The following RAB2A variants were observed in gnomAD, a reference collection of about 807,000 sequenced individuals.
The protein encoded by RAB2A is ras-related protein Rab-2A.
RAB2A carries 7 observed loss-of-function variants against 32.5 expected under a neutral mutation model. That is an observed-to-expected ratio of 0.22 (90% CI 0.12 to 0.40). The LOEUF is 0.40. RAB2A is among the 10% of genes least tolerant of loss of function. The probability of loss-of-function intolerance (pLI) is 1.00; values close to 1 mark genes in which losing one functional copy is unlikely to be tolerated. For missense variants in RAB2A, 108 were observed against 260.7 expected (o/e 0.41, Z 4.03); for synonymous variants, 79 against 85.2 (o/e 0.93, Z 0.40).
chr8:60,552,892 TAGGGACACACTCTTGCA>T (rs1307841181), intron 1 of RAB2A: 1 of 152,200 alleles, frequency 6.6e-6, no homozygotes, highest in African/African-American at 2.4e-5. Flanking sequence ...TGCTGTGTGC[TAGGGACACACTCTTGCA>T]AGTGATTTCT....
chr8:60,543,619 G>T (rs897719237), intron 1 of RAB2A, among the ~76,000 whole-genome samples: 16 of 152,156 alleles, frequency 1.1e-4, no homozygotes, highest in Admixed American at 2.0e-4. Flanking sequence ...CATATCTTTT[G>T]GGGGGCCATT....
chr8:60,569,527 T>A (rs1808164419), intron 2 of RAB2A, among the ~76,000 whole-genome samples: 3 of 152,184 alleles, frequency 2.0e-5, no homozygotes. Context: ...TTTTTGTTTT[T>A]TGAGACAAGG....
At chr8:60,592,118 A>G in intron 6 of RAB2A, 149 bp downstream of exon 6, 1 of 469,348 alleles carries the variant, frequency 2.1e-6, no homozygotes, top group Admixed American at 3.6e-5. Flanking sequence ...ATCCCTTGTA[A>G]CATTCACCTT....
chr8:60,620,789 C>T lies in RAB2A; in HGVS notation c.*20C>T. On this transcript the variant is annotated 3_prime_UTR_variant, in exon 8 of 8. Coordinates refer to ENST00000262646, the MANE Select transcript of RAB2A (RefSeq NM_002865.3). ...TGTTGAGTCTGTTTTTACTGTCTAG[C>T]TGCCCAACGGGGCCTACTCACTTAT... 1 of 1,604,448 alleles carries T rather than the reference C, an allele frequency of 6.2e-7. No homozygotes were observed. Among genetic ancestry groups the T allele is most frequent in the Non-Finnish European group, 8.5e-7 (1 of 1,175,590 alleles).
chr8:60,587,493 G>GA (rs141993738), intron 5 of RAB2A, among the ~76,000 whole-genome samples: 2 of 151,818 alleles, frequency 1.3e-5, no homozygotes, highest in African/African-American at 2.4e-5. Flanking sequence ...TTATAGTTCA[G>GA]AAAAAAAATC....
chr8:60,608,373 T>C (rs1804271887), intron 6 of RAB2A, among the ~76,000 whole-genome samples: 1 of 152,170 alleles, frequency 6.6e-6, no homozygotes, highest in South Asian at 2.1e-4. Flanking sequence ...TTGATACTTT[T>C]GACTACTCTT....
At chr8:60,613,437 T>C (rs1295102479) in intron 6 of RAB2A, among the ~76,000 whole-genome samples, 2 of 152,228 alleles carry the variant, frequency 1.3e-5, no homozygotes, top group Non-Finnish European at 2.9e-5. Context: ...TTAGGATCAT[T>C]TATCTTTAAT....
At position 60,599,524 on chromosome 8, in the gene RAB2A, A is replaced by T. The variant is rs148795666; in HGVS notation, c.474+7555A>T. On this transcript the variant is annotated intron_variant, in intron 6 of 7. Transcript: ENST00000262646. ...TACAATGGGATGAATCCACCCATTGATTTCAAGTTTTGCTTAGCCAGTCAT... is the reference window on the plus strand; with the variant it reads ...TACAATGGGATGAATCCACCCATTGTTTTCAAGTTTTGCTTAGCCAGTCAT... Among the ~76,000 whole-genome samples, 659 of 152,292 alleles carry T rather than the reference A, an allele frequency of 4.3e-3. 4 individuals carry two copies. The highest frequency in any genetic ancestry group is 0.015 in the African/African-American group (619 of 41,560).
chr8:60,567,202 A>T lies in RAB2A; in HGVS notation c.119-4844A>T, dbSNP rs887574355. Among the ~76,000 whole-genome samples, 17 of 148,126 alleles carry T rather than the reference A, an allele frequency of 1.1e-4. No individual in the cohort carries two copies. The South Asian group carries it at 3.0e-3, about 26-fold the overall frequency. On this transcript the variant is annotated intron_variant, in intron 2 of 7. Transcript: ENST00000262646. The stretch of plus-strand genomic sequence containing the variant: ...GCAGTCTCTTCTCACTGCAACCTCC[A>T]CCTCTTGGGTTCAAGTAATTCTTGC...
intron 1 of RAB2A, among the ~76,000 whole-genome samples, chr8:60,531,105 T>C (rs1309049278): frequency 6.6e-6 from 1 of 152,262 alleles, no homozygotes; most frequent in Non-Finnish European, 1.5e-5. Flanking sequence ...AATTTAAGTG[T>C]CAGTCATGTG....
intron 1 of RAB2A, among the ~76,000 whole-genome samples, chr8:60,531,997 G>T (rs556157505): frequency 6.6e-6 from 1 of 152,130 alleles, no homozygotes; most frequent in South Asian, 2.1e-4. Flanking sequence ...TAGAGACAGG[G>T]TTTCACCATG....
At chr8:60,619,665 T>C (rs1391461258) in intron 7 of RAB2A, among the ~76,000 whole-genome samples, 2 of 152,248 alleles carry the variant, frequency 1.3e-5, no homozygotes, top group African/African-American at 2.4e-5. Flanking sequence ...ATTCAGAGAC[T>C]AATGCCATAT....
intron 3 of RAB2A, among the ~76,000 whole-genome samples, chr8:60,574,435 A>T (rs762693630): frequency 1.3e-5 from 2 of 152,198 alleles, no homozygotes; most frequent in Non-Finnish European, 2.9e-5. Context: ...TGTCTAAGCA[A>T]CTTGTAGGGT....
At chr8:60,599,750 A>G (rs1804098761) in intron 6 of RAB2A, among the ~76,000 whole-genome samples, 1 of 152,184 alleles carries the variant, frequency 6.6e-6, no homozygotes, top group South Asian at 2.1e-4. Context: ...CCTAAGTCTC[A>G]CACCTTAAAA....
chr8:60,570,167 C>T lies in RAB2A; in HGVS notation c.119-1879C>T, dbSNP rs1271023236. On this transcript the variant is annotated intron_variant, in intron 2 of 7. Transcript: ENST00000262646. ...CTTACCTGCTCACCCTTGGTATCAG[C>T]AGCATTGATGGGTCTGTTTCTAGTT... 153 of 380,094 alleles carry T rather than the reference C, an allele frequency of 4.0e-4. 2 individuals carry two copies. Among genetic ancestry groups the T allele is most frequent in the Non-Finnish European group, 6.9e-5 (13 of 189,142 alleles). 23.5% of individuals were successfully genotyped at this position (380,094 alleles called of 1,614,324 possible).
At chr8:60,602,234 A>G (rs1804146053) in intron 6 of RAB2A, among the ~76,000 whole-genome samples, 1 of 152,208 alleles carries the variant, frequency 6.6e-6, no homozygotes, top group African/African-American at 2.4e-5. Context: ...GTAAACCCTT[A>G]TAGACATCAT....
intron 1 of RAB2A, among the ~76,000 whole-genome samples, chr8:60,522,245 G>C (rs1328951459): frequency 1.3e-5 from 2 of 152,200 alleles, no homozygotes; most frequent in African/African-American, 4.8e-5. Context: ...GTAGAGGTCA[G>C]GGACTATTGG....
At position 60,605,832 on chromosome 8, in the gene RAB2A, C is replaced by CATATATATATATATATAT. The variant is rs1328541490; in HGVS notation, c.475-12741_475-12740insTATATATATATATATATA. On this transcript the variant is annotated intron_variant, in intron 6 of 7. Coordinates refer to ENST00000262646, the MANE Select transcript of RAB2A (RefSeq NM_002865.3). ...GGCTCATAGGCAAAAGGGACTAATA[C>CATATATATATATATATAT]ATATATACATATATATATATAATGC... 8.3e-3 allele frequency among the ~76,000 whole-genome samples: 1,003 copies of CATATATATATATATATAT among 120,694 alleles called. 116 individuals carry two copies. The highest frequency in any genetic ancestry group is 0.036 in the African/African-American group (941 of 26,006). 79.2% of individuals were successfully genotyped at this position (120,694 alleles called of 152,430 possible).
chr8:60,596,107 A>T (rs538509418), intron 6 of RAB2A, among the ~76,000 whole-genome samples: 1 of 152,292 alleles, frequency 6.6e-6, no homozygotes, highest in Non-Finnish European at 1.5e-5. Context: ...CACAATAGAA[A>T]AGAAGAAGTC....
Sources: allele counts gnomAD v4.1 joint callset (sites outside exome capture counted in the v4.1 genomes callset), GRCh38; gene constraint gnomAD v4.1.1; transcripts MANE v1.5; gene names NCBI Gene and HGNC (gene_info 2026-07-23, HGNC 2026-07-21).